The following TRAPPC11 variants were observed in gnomAD, a reference collection of about 807,000 sequenced individuals.
The protein encoded by TRAPPC11 is trafficking protein particle complex subunit 11, also known as foie gras homolog.
A neutral mutation model predicts 151.2 loss-of-function variants in TRAPPC11; 104 were observed. The ratio of observed to expected loss-of-function variants is 0.69; its 90% CI spans 0.59 to 0.81. The LOEUF (loss-of-function observed/expected upper bound fraction) is 0.81. TRAPPC11 is among the 30% of genes least tolerant of loss of function. The probability of loss-of-function intolerance (pLI) is 0.00; values close to 1 mark genes in which losing one functional copy is unlikely to be tolerated. For missense variants in TRAPPC11, 1,230 were observed against 1,349.6 expected (o/e 0.91, Z 1.39); for synonymous variants, 456 against 472.3 (o/e 0.97, Z 0.45).
chr4:183,662,694 A>G (rs1296629352), intron 1 of TRAPPC11, among the ~76,000 whole-genome samples: 1 of 152,208 alleles, frequency 6.6e-6, no homozygotes, highest in Non-Finnish European at 1.5e-5. Flanking sequence ...ATTCAATATT[A>G]GCAATTACAG....
intron 25 of TRAPPC11, chr4:183,701,244 C>G (rs954651881): frequency 6.5e-6 from 1 of 152,984 alleles, no homozygotes; most frequent in Non-Finnish European, 1.5e-5. Context: ...TAGGGATGGT[C>G]AACCTGTATA....
intron 8 of TRAPPC11, among the ~76,000 whole-genome samples, chr4:183,678,857 A>G (rs1040200010): frequency 6.6e-6 from 1 of 152,216 alleles, no homozygotes; most frequent in African/African-American, 2.4e-5. Flanking sequence ...TTTTGCCCCA[A>G]ATACATACAT....
intron 20 of TRAPPC11, 28 bp downstream of exon 20, chr4:183,693,175 A>G: frequency 6.5e-7 from 1 of 1,546,398 alleles, no homozygotes; most frequent in Non-Finnish European, 8.7e-7. Flanking sequence ...AGCTGATATT[A>G]AAGGTCATCC....
chr4:183,693,504 C>T lies in TRAPPC11; in HGVS notation c.2238-85C>T, dbSNP rs1367596758. The T allele has an allele frequency of 4.9e-6, 7 of 1,425,108 alleles. 1 individual carries two copies. Among genetic ancestry groups the T allele is most frequent in the East Asian group, 2.4e-5 (1 of 41,570 alleles). The allele number at this position is 1,425,108 out of a possible 1,614,324, so 88.3% of individuals were successfully genotyped here. The stretch of plus-strand genomic sequence containing the variant: ...TACAGGCCTGAGCCTCTGCACCCAG[C>T]CTCTTATTTCTTTTAAATACTTTAT... On this transcript the variant is annotated intron_variant, in intron 20 of 29. Coordinates refer to ENST00000334690, the MANE Select transcript of TRAPPC11 (RefSeq NM_021942.6).
intron 5 of TRAPPC11, among the ~76,000 whole-genome samples, chr4:183,669,056 G>T (rs1482688058): frequency 2.6e-5 from 4 of 152,164 alleles, no homozygotes; most frequent in Non-Finnish European, 5.9e-5. Flanking sequence ...TTCTAAGAAA[G>T]AGAAGCATAC....
intron 1 of TRAPPC11, among the ~76,000 whole-genome samples, chr4:183,661,036 T>C (rs984628447): frequency 6.6e-6 from 1 of 152,020 alleles, no homozygotes; most frequent in African/African-American, 2.4e-5. Flanking sequence ...TAATTTTCAT[T>C]CCTACATTAC....
chr4:183,697,881 G>T, intron 25 of TRAPPC11, 46 bp downstream of exon 25: 2 of 1,559,798 alleles, frequency 1.3e-6, no homozygotes, highest in Non-Finnish European at 1.8e-6. Context: ...AATTGTGCGC[G>T]CGTGTGTGTG....
At position 183,709,744 on chromosome 4, in the gene TRAPPC11, C is replaced by T. The variant is rs151046168; in HGVS notation, c.3357+1170C>T. Among the ~76,000 whole-genome samples, 717 of 152,290 alleles carry T rather than the reference C, an allele frequency of 4.7e-3. 6 individuals carry two copies. Among genetic ancestry groups the T allele is most frequent in the African/African-American group, 0.016 (680 of 41,562 alleles). On this transcript the variant is annotated intron_variant, in intron 29 of 29. Coordinates refer to ENST00000334690, the MANE Select transcript of TRAPPC11 (RefSeq NM_021942.6). Reference sequence around the variant, plus strand: ...GAGTGGAGGTTGTGCCACTGCACTCCAGCCTGGGCAACAGAGCGAGACACT... The same window carrying T: ...GAGTGGAGGTTGTGCCACTGCACTCTAGCCTGGGCAACAGAGCGAGACACT...
At chr4:183,689,330 C>T (rs929645030) in intron 18 of TRAPPC11, among the ~76,000 whole-genome samples, 3 of 151,978 alleles carry the variant, frequency 2.0e-5, no homozygotes, top group African/African-American at 7.2e-5. Flanking sequence ...ATGCCCTTTC[C>T]TCTGCTTGAA....
chr4:183,708,626 A>T, intron 29 of TRAPPC11, 52 bp downstream of exon 29: 1 of 1,550,076 alleles, frequency 6.5e-7, no homozygotes, highest in Admixed American at 1.8e-5. Flanking sequence ...AAAAACAAAC[A>T]GACTTCTTTT....
At chr4:183,662,530 T>C (rs891303658) in intron 1 of TRAPPC11, among the ~76,000 whole-genome samples, 3 of 152,134 alleles carry the variant, frequency 2.0e-5, no homozygotes, top group African/African-American at 7.2e-5. Flanking sequence ...AGTGGAAACA[T>C]CCTCCGAGAG....
At position 183,667,908 on chromosome 4, in the gene TRAPPC11, C is replaced by G. The variant is rs565365284; in HGVS notation, c.446-95C>G. 6.4e-5 allele frequency: 59 copies of G among 915,184 alleles called. No individual in the cohort carries two copies. The South Asian group carries it at 7.6e-4, about 12-fold the overall frequency. The allele number at this position is 915,184 out of a possible 1,614,324, so 56.7% of individuals were successfully genotyped here. A position where few individuals can be genotyped will look rare whatever the true frequency, so the allele number is the denominator to read the frequency against. On this transcript the variant is annotated intron_variant, in intron 4 of 29. Coordinates refer to ENST00000334690, the MANE Select transcript of TRAPPC11 (RefSeq NM_021942.6). ...ATGAAAAGCTGTTTGGGTTTTTATTCCTAATTCTATTTTTTCAGACTTGGG... is the reference window on the plus strand; with the variant it reads ...ATGAAAAGCTGTTTGGGTTTTTATTGCTAATTCTATTTTTTCAGACTTGGG...
chr4:183,702,731 T>C (rs1269722744), intron 26 of TRAPPC11, among the ~76,000 whole-genome samples: 1 of 152,222 alleles, frequency 6.6e-6, no homozygotes, highest in Non-Finnish European at 1.5e-5. Context: ...ATTGTATCAT[T>C]GTAATTTCTT....
At chr4:183,691,548 G>A (rs1308037729) in intron 19 of TRAPPC11, 77 bp downstream of exon 19, 2 of 917,404 alleles carry the variant, frequency 2.2e-6, no homozygotes, top group Non-Finnish European at 2.9e-6. Context: ...TAATACAAAA[G>A]TTGATTAAGT....
At chr4:183,681,652 G>C (rs931534573) in intron 10 of TRAPPC11, among the ~76,000 whole-genome samples, 18 of 151,824 alleles carry the variant, frequency 1.2e-4, no homozygotes, top group South Asian at 1.0e-3. Flanking sequence ...TGGTGGCGGG[G>C]GCCTGTAGTC....
chr4:183,661,087 T>G (rs1734487620), intron 1 of TRAPPC11, among the ~76,000 whole-genome samples: 1 of 152,072 alleles, frequency 6.6e-6, no homozygotes, highest in Non-Finnish European at 1.5e-5. Flanking sequence ...TGCAATCCTT[T>G]GCCCTCATAA....
intron 4 of TRAPPC11, among the ~76,000 whole-genome samples, chr4:183,667,612 T>C (rs909797905): frequency 6.6e-6 from 1 of 152,218 alleles, no homozygotes; most frequent in African/African-American, 2.4e-5. Context: ...TTATTTCCAC[T>C]TTCCCAGACT....
chr4:183,663,712 A>G, intron 1 of TRAPPC11, 135 bp from the exon 2 acceptor site: 1 of 609,024 alleles, frequency 1.6e-6, no homozygotes, highest in Non-Finnish European at 2.8e-6. Flanking sequence ...ATAGAGATTC[A>G]TATATTGGAA....
chr4:183,692,554 C>G (rs577031808), intron 19 of TRAPPC11, among the ~76,000 whole-genome samples: 1 of 152,058 alleles, frequency 6.6e-6, no homozygotes, highest in Non-Finnish European at 1.5e-5. Context: ...ATTGCTAATA[C>G]TGTAAATATT....
Sources: allele counts gnomAD v4.1 joint callset (sites outside exome capture counted in the v4.1 genomes callset), GRCh38; gene constraint gnomAD v4.1.1; transcripts MANE v1.5; gene names NCBI Gene and HGNC (gene_info 2026-07-23, HGNC 2026-07-21).